The following MTUS2 variants were observed in gnomAD, a reference collection of about 807,000 sequenced individuals.
MTUS2 encodes the protein microtubule-associated tumor suppressor candidate 2.
A neutral mutation model predicts 114.1 loss-of-function variants in MTUS2; 40 were observed. The observed-to-expected ratio is 0.35, with a 90% CI of 0.27 to 0.46. The LOEUF (loss-of-function observed/expected upper bound fraction) is 0.46. MTUS2 is among the 20% of genes least tolerant of loss of function. The probability of loss-of-function intolerance (pLI) is 1.00; values close to 1 mark genes in which losing one functional copy is unlikely to be tolerated. For missense variants in MTUS2, 1,679 were observed against 1,705.4 expected (o/e 0.98, Z 0.27); for synonymous variants, 688 against 672.0 (o/e 1.02, Z -0.37).
chr13:29,109,774 T>C (rs1227575938), intron 5 of MTUS2, among the ~76,000 whole-genome samples: 1 of 152,186 alleles, frequency 6.6e-6, no homozygotes, highest in Non-Finnish European at 1.5e-5. Flanking sequence ...TGTGTAAGGA[T>C]TCAGAAACTC....
intron 8 of MTUS2, among the ~76,000 whole-genome samples, chr13:29,433,388 A>G (rs1416102550): frequency 6.6e-6 from 1 of 152,262 alleles, no homozygotes; most frequent in East Asian, 1.9e-4. Flanking sequence ...ACAAGCCTAT[A>G]TGAAATTTCA....
At chr13:29,229,939 C>T (rs1428606729) in intron 5 of MTUS2, among the ~76,000 whole-genome samples, 4 of 152,238 alleles carry the variant, frequency 2.6e-5, no homozygotes, top group Middle Eastern at 3.4e-3. Flanking sequence ...GTATAGCATT[C>T]GACTTTTAAA....
chr13:29,478,503 A>G (rs1181572516), intron 9 of MTUS2, among the ~76,000 whole-genome samples: 1 of 152,240 alleles, frequency 6.6e-6, no homozygotes, highest in Admixed American at 6.5e-5. Context: ...CAAAAACCTG[A>G]AAGGTAAGTC....
intron 6 of MTUS2, among the ~76,000 whole-genome samples, chr13:29,288,766 GC>G (rs1191537317): frequency 3.3e-5 from 5 of 152,112 alleles, no homozygotes; most frequent in Non-Finnish European, 7.4e-5. Context: ...CTCGCATTCT[GC>G]CCCTCCACTA....
intron 5 of MTUS2, among the ~76,000 whole-genome samples, chr13:29,153,551 T>C (rs1390554630): frequency 2.0e-5 from 3 of 152,030 alleles, no homozygotes; most frequent in African/African-American, 7.2e-5. Context: ...TGCTTCCGTC[T>C]CCAGGAGGGG....
chr13:29,219,488 A>G (rs1222368176), intron 5 of MTUS2, among the ~76,000 whole-genome samples: 1 of 152,156 alleles, frequency 6.6e-6, no homozygotes, highest in Non-Finnish European at 1.5e-5. Context: ...GTATATACCC[A>G]GTAATGGGAT....
chr13:29,153,456 C>G (rs1892738422), intron 5 of MTUS2, among the ~76,000 whole-genome samples: 1 of 152,168 alleles, frequency 6.6e-6, no homozygotes, highest in African/African-American at 2.4e-5. Flanking sequence ...CTACCTGAAC[C>G]TCTTCTCATG....
chr13:29,162,173 T>C (rs1303845715), intron 5 of MTUS2, among the ~76,000 whole-genome samples: 4 of 152,176 alleles, frequency 2.6e-5, no homozygotes, highest in African/African-American at 9.7e-5. Flanking sequence ...TCATATTGGC[T>C]TTAGGGCCCA....
chr13:29,053,316 A>G (rs567223266), intron 4 of MTUS2, among the ~76,000 whole-genome samples: 1 of 152,322 alleles, frequency 6.6e-6, no homozygotes, highest in South Asian at 2.1e-4. Flanking sequence ...TGACAAGATC[A>G]CAAGTCTAAT....
intron 6 of MTUS2, among the ~76,000 whole-genome samples, chr13:29,324,005 T>C (rs1676006305): frequency 6.6e-6 from 1 of 152,192 alleles, no homozygotes; most frequent in Non-Finnish European, 1.5e-5. Context: ...GTGCCCTGGG[T>C]ATTGCTGGAC....
At chr13:29,362,359 C>A (rs1870332497) in intron 8 of MTUS2, among the ~76,000 whole-genome samples, 1 of 152,114 alleles carries the variant, frequency 6.6e-6, no homozygotes. Context: ...CAGGATCTAC[C>A]TCAAGGATTT....
intron 7 of MTUS2, chr13:29,339,649 C>T (rs558276107): frequency 5.8e-5 from 10 of 171,112 alleles, no homozygotes; most frequent in Non-Finnish European, 1.0e-4. Flanking sequence ...CAGAAAAGTC[C>T]GGCCCAGTGA....
chr13:29,162,461 AATT>A (rs752836598), intron 5 of MTUS2, among the ~76,000 whole-genome samples: 3 of 152,160 alleles, frequency 2.0e-5, no homozygotes, highest in Non-Finnish European at 4.4e-5. Flanking sequence ...AATCTCACTA[AATT>A]AAAGAGTGTG....
intron 2 of MTUS2, among the ~76,000 whole-genome samples, chr13:28,953,702 G>A (rs1405792562): frequency 6.6e-6 from 1 of 152,122 alleles, no homozygotes; most frequent in Non-Finnish European, 1.5e-5. Flanking sequence ...TGCATTCCTA[G>A]GTTGTACATA....
chr13:28,863,151 A>G (rs1367742492), intron 2 of MTUS2, among the ~76,000 whole-genome samples: 1 of 152,232 alleles, frequency 6.6e-6, no homozygotes, highest in Non-Finnish European at 1.5e-5. Flanking sequence ...AGAGAAAGTT[A>G]TAACAGAGCC....
intron 5 of MTUS2, among the ~76,000 whole-genome samples, chr13:29,228,234 A>G (rs1465262348): frequency 6.6e-6 from 1 of 152,250 alleles, no homozygotes; most frequent in Non-Finnish European, 1.5e-5. Context: ...GGAATACTGT[A>G]CAGACATTAA....
intron 6 of MTUS2, chr13:29,306,789 G>C: frequency 2.8e-6 from 1 of 355,834 alleles, no homozygotes; most frequent in East Asian, 6.4e-5. Context: ...TGGTGAAGGT[G>C]AAGGCCAGAG....
chr13:29,285,176 T>C (rs1276406994), intron 6 of MTUS2, among the ~76,000 whole-genome samples: 1 of 145,884 alleles, frequency 6.9e-6, no homozygotes, highest in East Asian at 2.0e-4. Flanking sequence ...AATGAGGGCA[T>C]ATGATAAAAA....
intron 3 of MTUS2, among the ~76,000 whole-genome samples, chr13:29,027,800 A>G (rs1005332606): frequency 9.2e-5 from 14 of 152,164 alleles, no homozygotes; most frequent in African/African-American, 3.4e-4. Flanking sequence ...CGGCCTCCCA[A>G]AGTGCTGGGA....
Sources: gnomAD v4.1 joint callset for allele counts (sites outside exome capture counted in the v4.1 genomes callset) on GRCh38, gnomAD v4.1.1 for gene constraint, MANE v1.5 for transcripts, NCBI Gene and HGNC (gene_info 2026-07-23, HGNC 2026-07-21) for gene names.